The following ASAP2 variants were observed in gnomAD, a reference collection of about 807,000 sequenced individuals.
ASAP2 encodes the protein ArfGAP with SH3 domain, ankyrin repeat and PH domain 2, also known as arf-GAP with SH3 domain, ANK repeat and PH domain-containing protein 2.
A neutral mutation model predicts 131.4 loss-of-function variants in ASAP2; 45 were observed. The observed-to-expected ratio is 0.34, with a 90% CI of 0.27 to 0.44. ASAP2 has a LOEUF of 0.44. Among genes scored for constraint, ASAP2 ranks in the 20% least tolerant of loss-of-function variants. The probability of loss-of-function intolerance (pLI) is 1.00; values close to 1 mark genes in which losing one functional copy is unlikely to be tolerated. For synonymous variants in ASAP2, 510 were observed against 503.0 expected, an observed-to-expected ratio of 1.01 and a Z score of -0.19; for missense variants, 1,011 against 1,297.0, an observed-to-expected ratio of 0.78 and a Z score of 3.39.
chr2:9,399,987 G>A (rs372161834), intron 24 of ASAP2, 36 bp from the exon 25 acceptor site: 107 of 1,607,702 alleles, frequency 6.7e-5, no homozygotes, highest in Non-Finnish European at 8.3e-5. Context: ...GGTGCCCTCC[G>A]GTAGCAGTAA....
At chr2:9,365,319 C>T (rs966407809) in intron 15 of ASAP2, among the ~76,000 whole-genome samples, 4 of 152,142 alleles carry the variant, frequency 2.6e-5, no homozygotes, top group African/African-American at 9.7e-5. Flanking sequence ...CCAAGGGGCC[C>T]AGTTAACATC....
chr2:9,332,060 T>C (rs1670877955), intron 7 of ASAP2, among the ~76,000 whole-genome samples: 1 of 152,020 alleles, frequency 6.6e-6, no homozygotes. Context: ...GCTACTCTGC[T>C]TGGTGGGTTT....
chr2:9,234,763 C>G (rs1468080729), intron 1 of ASAP2, among the ~76,000 whole-genome samples: 1 of 152,192 alleles, frequency 6.6e-6, no homozygotes, highest in African/African-American at 2.4e-5. Flanking sequence ...GTCAGCCACT[C>G]TGGGGCCGAT....
chr2:9,291,639 C>T (rs1186314240), intron 2 of ASAP2, among the ~76,000 whole-genome samples: 4 of 152,160 alleles, frequency 2.6e-5, no homozygotes, highest in African/African-American at 7.2e-5. Flanking sequence ...TCTCCTTAAA[C>T]GCTCCCTTCG....
chr2:9,275,224 C>G (rs933509119), intron 1 of ASAP2, among the ~76,000 whole-genome samples: 1 of 152,026 alleles, frequency 6.6e-6, no homozygotes, highest in South Asian at 2.1e-4. Flanking sequence ...TGCATGTTCC[C>G]ATGCCCGGCT....
chr2:9,223,876 C>T (rs534466848), intron 1 of ASAP2, among the ~76,000 whole-genome samples: 2 of 152,294 alleles, frequency 1.3e-5, no homozygotes, highest in East Asian at 3.9e-4. Flanking sequence ...CACTAAGCCA[C>T]AGCAGAGCAT....
At chr2:9,210,965 G>C (rs1661498105) in intron 1 of ASAP2, among the ~76,000 whole-genome samples, 1 of 151,986 alleles carries the variant, frequency 6.6e-6, no homozygotes, top group South Asian at 2.1e-4. Flanking sequence ...AAACCAGCCT[G>C]ACCAACATGG....
In ASAP2 at chr2:9,217,459, G is replaced by A. The variant is rs1662128227; in HGVS notation, c.126+10229G>A. 1.3e-5 allele frequency among the ~76,000 whole-genome samples: 2 copies of A among 152,148 alleles called. No individual in the cohort carries two copies. The highest frequency in any genetic ancestry group is 2.9e-5 in the Non-Finnish European group (2 of 68,024). On this transcript the variant is annotated intron_variant, in intron 1 of 27. Coordinates refer to ENST00000281419, the MANE Select transcript of ASAP2 (RefSeq NM_003887.3). This position sits in a 1 kb window ranked among gnomAD's most constrained non-coding sequence, Gnocchi z 4.0. ...ATTTTTCCACTCCATGCTGAAGATGGCTTTGTCAATAAAATCAGGCAGTTG... is the reference window on the plus strand; with the variant it reads ...ATTTTTCCACTCCATGCTGAAGATGACTTTGTCAATAAAATCAGGCAGTTG...
intron 1 of ASAP2, among the ~76,000 whole-genome samples, chr2:9,266,056 A>AT (rs1173885790): frequency 2.0e-5 from 3 of 150,594 alleles, no homozygotes; most frequent in Non-Finnish European, 4.4e-5. Context: ...AAGTGTTGGG[A>AT]TTACAGGTGT....
chr2:9,391,149 C>A lies in ASAP2; in HGVS notation c.2471C>A (p.Pro824Gln). ...GGSRQRSSSD[P>Q]PAVHPPLPPL... is the part of the protein sequence containing the mutation. ...AGCCGGCAGCGATCTTCGTCAGATC[C>A]GCCAGCTGTCCATCCACCGCTGCCC... The change falls in exon 23 of 28, where the codon CCG becomes CAG. Residue 824 changes from proline (P) to glutamine (Q), a missense_variant. This residue lies in a region of ASAP2 where 652 missense variants were observed against 698.9 expected (regional missense o/e 0.93). Coordinates refer to ENST00000281419, the MANE Select transcript of ASAP2 (RefSeq NM_003887.3). 1 of 1,614,216 alleles carries A rather than the reference C, an allele frequency of 6.2e-7. No individual in the cohort carries two copies. Among genetic ancestry groups the A allele is most frequent in the Non-Finnish European group, 8.5e-7 (1 of 1,180,024 alleles).
Position 9,252,605 on chromosome 2 carries a change from C to T in ASAP2, c.127-26712C>T, listed in dbSNP as rs192137604. Among the ~76,000 whole-genome samples the T allele has an allele frequency of 1.2e-4, 18 of 150,886 alleles. No individual in the cohort carries two copies. In the South Asian group the frequency reaches 2.9e-3, roughly 25 times the overall value. On this transcript the variant is annotated intron_variant, in intron 1 of 27. Coordinates refer to ENST00000281419, the MANE Select transcript of ASAP2 (RefSeq NM_003887.3). The stretch of plus-strand genomic sequence containing the variant: ...ACCCCCGCCCCCCAAAAAAAGCCTT[C>T]GGAAGACAGTTAAAGAATTTAGGAA...
rs1676578754 is a variant in ASAP2, at chr2:9,400,592, G to A, written c.2735-150G>A. On this transcript the variant is annotated intron_variant, in intron 25 of 27. Transcript: ENST00000281419. ...CTGCCACACAAGCTCTCCAAGGTCT[G>A]CATCCAAGTCAGAAGGTTCCCTTTC... 75 of 696,214 alleles carry A rather than the reference G, an allele frequency of 1.1e-4. No individual in the cohort carries two copies. In the South Asian group the frequency reaches 1.2e-3, roughly 12 times the overall value. The allele number at this position is 696,214 out of a possible 1,614,324, so 43.1% of individuals were successfully genotyped here.
chr2:9,213,639 G>A (rs1661769754), intron 1 of ASAP2, among the ~76,000 whole-genome samples: 1 of 152,150 alleles, frequency 6.6e-6, no homozygotes, highest in South Asian at 2.1e-4. Context: ...TAAGTGGCCT[G>A]ATTGAGGTCC....
At chr2:9,215,916 G>C (rs977308390) in intron 1 of ASAP2, among the ~76,000 whole-genome samples, 3 of 151,772 alleles carry the variant, frequency 2.0e-5, no homozygotes, top group Non-Finnish European at 4.4e-5. Flanking sequence ...GTTATGGCTT[G>C]GCAGCTTCTC....
intron 1 of ASAP2, among the ~76,000 whole-genome samples, chr2:9,251,861 A>G (rs1664732499): frequency 6.6e-6 from 1 of 151,628 alleles, no homozygotes; most frequent in Non-Finnish European, 1.5e-5. Context: ...TGGAGCAGAG[A>G]TGGGCCTGAG....
intron 1 of ASAP2, among the ~76,000 whole-genome samples, chr2:9,238,440 G>C (rs1261253986): frequency 6.6e-6 from 1 of 152,170 alleles, no homozygotes; most frequent in Non-Finnish European, 1.5e-5. Context: ...GCTTGAAAAA[G>C]CATTGTCTTA....
At position 9,333,433 on chromosome 2, in the gene ASAP2, T is replaced by C. The variant is rs538916386; in HGVS notation, c.687-1305T>C. On this transcript the variant is annotated intron_variant, in intron 7 of 27. Coordinates refer to ENST00000281419, the MANE Select transcript of ASAP2 (RefSeq NM_003887.3). ...TGCTCTGAGAAAGTATAAGAAGGCCTCTTATAGGGGAATAACTTGTAGGGG... is the reference window on the plus strand; with the variant it reads ...TGCTCTGAGAAAGTATAAGAAGGCCCCTTATAGGGGAATAACTTGTAGGGG... 6.3e-4 allele frequency among the ~76,000 whole-genome samples: 96 copies of C among 152,328 alleles called. 2 individuals carry two copies. In the South Asian group the frequency reaches 0.016, roughly 26 times the overall value.
At chr2:9,378,818 C>T in intron 18 of ASAP2, 126 bp from the exon 19 acceptor site, 1 of 571,214 alleles carries the variant, frequency 1.8e-6, no homozygotes, top group East Asian at 3.5e-5. Flanking sequence ...CGATGATTTA[C>T]AGAAACCGTT....
At chr2:9,344,356 C>G (rs932198234) in intron 9 of ASAP2, among the ~76,000 whole-genome samples, 176 bp from the exon 10 acceptor site, 7 of 152,150 alleles carry the variant, frequency 4.6e-5, no homozygotes, top group Admixed American at 3.3e-4. Flanking sequence ...TGGCATTTAT[C>G]AGTTCCTAGA....
Sources: gnomAD v4.1 joint callset for allele counts (sites outside exome capture counted in the v4.1 genomes callset) on GRCh38, gnomAD v4.1.1 for gene constraint, gnomAD v4.1.1 regional missense constraint, Gnocchi (gnomAD v3.1) non-coding constraint, MANE v1.5 for transcripts, NCBI Gene and HGNC (gene_info 2026-07-23, HGNC 2026-07-21) for gene names.